Variants in EPG5 observed in about 807,000 individuals in gnomAD.
The protein encoded by EPG5 is ectopic P granules protein 5 homolog.
A neutral mutation model predicts 302.7 loss-of-function variants in EPG5; 159 were observed. The ratio of observed to expected loss-of-function variants is 0.53; its 90% CI spans 0.46 to 0.60. The LOEUF is 0.60. EPG5 is among the 20% of genes least tolerant of loss of function. The pLI, the probability that EPG5 is intolerant of heterozygous loss-of-function variation, is 0.00. For missense variants in EPG5, 2,896 were observed against 3,092.4 expected (o/e 0.94, Z 1.51); for synonymous variants, 1,158 against 1,136.8 (o/e 1.02, Z -0.37).
intron 28 of EPG5, among the ~76,000 whole-genome samples, chr18:45,888,775 TA>T (rs1162176221): frequency 6.6e-6 from 1 of 152,228 alleles, no homozygotes; most frequent in Non-Finnish European, 1.5e-5. Context: ...CATAGTCTCC[TA>T]GGGGAAAAAA....
chr18:45,833,743 T>C, the EPG5 span, among the ~76,000 whole-genome samples: 2 of 152,198 alleles, frequency 1.3e-5, no homozygotes, highest in African/African-American at 4.8e-5. Flanking sequence ...TGTTAGTTCA[T>C]AAACTAAAAT....
chr18:45,919,162 T>C (rs1464546948), intron 16 of EPG5, among the ~76,000 whole-genome samples: 1 of 152,204 alleles, frequency 6.6e-6, no homozygotes, highest in African/African-American at 2.4e-5. Context: ...ATGTCTGTAA[T>C]ATTATATTCA....
the EPG5 span, among the ~76,000 whole-genome samples, chr18:45,826,502 C>T: frequency 1.3e-5 from 2 of 152,174 alleles, no homozygotes; most frequent in African/African-American, 4.8e-5. Context: ...TCTGCATTTT[C>T]ACCACCTTCT....
At chr18:45,838,262 C>A in the EPG5 span, among the ~76,000 whole-genome samples, 2 of 152,170 alleles carry the variant, frequency 1.3e-5, no homozygotes, top group African/African-American at 2.4e-5. Context: ...GAAAGACACT[C>A]GCAGCCCCTC....
chr18:45,861,109 A>G (rs1014905819), intron 39 of EPG5, among the ~76,000 whole-genome samples: 2 of 152,220 alleles, frequency 1.3e-5, no homozygotes, highest in African/African-American at 4.8e-5. Flanking sequence ...ATTTATGTCA[A>G]TAGGAAGGGT....
At position 45,858,710 on chromosome 18, in the gene EPG5, T is replaced by A; in HGVS notation, c.7082A>T (p.Glu2361Val). 1 of 1,614,172 alleles carries A rather than the reference T, an allele frequency of 6.2e-7. No individual in the cohort carries two copies. The highest frequency in any genetic ancestry group is 8.5e-7 in the Non-Finnish European group (1 of 1,180,028). ...SLQVPELTME[E>V]FLQECLTLGS... ...CAAGGTGAGGCACTCCTGCAGGAAC[T>A]CTTCCATGGTGAGCTCGGGAACCTG... Residue 2361 changes from glutamate to valine, a missense_variant, in exon 41 of 44, where the codon GAG becomes GTG. By Grantham distance (121) the Glu-to-Val change is moderately radical. This residue lies in a region of EPG5 where 620 missense variants were observed against 704.2 expected (regional missense o/e 0.88). Coordinates refer to ENST00000282041, the MANE Select transcript of EPG5 (RefSeq NM_020964.3).
At chr18:45,839,550 T>C in the EPG5 span, among the ~76,000 whole-genome samples, 1 of 152,250 alleles carries the variant, frequency 6.6e-6, no homozygotes. Context: ...AGACAGATCA[T>C]TGCAATGTGC....
the EPG5 span, among the ~76,000 whole-genome samples, chr18:45,818,803 G>T: frequency 7.4e-6 from 1 of 135,418 alleles, no homozygotes; most frequent in Non-Finnish European, 1.5e-5. Flanking sequence ...GCGTGATCTC[G>T]GCTCTCTGCA....
chr18:45,825,646 C>A, the EPG5 span: 7 of 1,520,524 alleles, frequency 4.6e-6, no homozygotes, highest in Non-Finnish European at 6.3e-6. Context: ...GCCCGCCTTC[C>A]TTCCCCCACC....
rs147713690 is a variant in EPG5 at position 45,951,436 on chromosome 18, T to C, written c.1253-198A>G. On this transcript the variant is annotated intron_variant, in intron 3 of 43. Transcript: ENST00000282041. ...TGTTTAACTTTGAAGTATTTCAAAA[T>C]AATGGAAAAATCAACCTCATCATAA... is the stretch of plus-strand genomic sequence containing the variant. Among the ~76,000 whole-genome samples the C allele has an allele frequency of 5.3e-3, 794 of 150,764 alleles. 6 individuals carry two copies. The highest frequency in any genetic ancestry group is 0.018 in the African/African-American group (739 of 40,838).
At chr18:45,897,773 T>C (rs1568132190) in intron 27 of EPG5, among the ~76,000 whole-genome samples, 1 of 152,046 alleles carries the variant, frequency 6.6e-6, no homozygotes, top group Non-Finnish European at 1.5e-5. Context: ...AAAAATACAA[T>C]ACATATAAAA....
the EPG5 span, among the ~76,000 whole-genome samples, chr18:45,831,816 C>A: frequency 4.6e-5 from 7 of 151,544 alleles, no homozygotes; most frequent in African/African-American, 1.7e-4. Context: ...CGGCTCACTG[C>A]AGCCTCCGCC....
intron 10 of EPG5, among the ~76,000 whole-genome samples, chr18:45,935,602 G>A (rs73953916): frequency 5.1e-5 from 5 of 97,214 alleles, no homozygotes; most frequent in East Asian, 7.9e-4. Flanking sequence ...CTACTAAGGC[G>A]CACACAGGTA....
At chr18:45,953,544 G>A (rs577318185) in intron 2 of EPG5, 2 of 985,318 alleles carry the variant, frequency 2.0e-6, no homozygotes, top group East Asian at 1.1e-4. Flanking sequence ...TGCCAAACTT[G>A]TCAAGAGTAA....
intron 9 of EPG5, among the ~76,000 whole-genome samples, chr18:45,942,045 G>A (rs186908854): frequency 6.6e-5 from 10 of 152,306 alleles, no homozygotes; most frequent in African/African-American, 2.2e-4. Context: ...CCAACATGGT[G>A]AAACCCCATC....
rs2049604670 is a variant in EPG5, at chr18:45,901,105, GC to G, written c.4536del (p.His1513ThrfsTer16). On this transcript the variant is annotated frameshift_variant, in exon 26 of 44. Transcript: ENST00000282041. LOFTEE classifies it high-confidence loss of function. ...KHEAPQPPLA[L>X]HPTKPPVPVI... ...ACTGGCACAGGAGGCTTCGTCGGGT[GC>G]AGAGCAAGGGGAGGCTGGGGAGCCT... The G allele has an allele frequency of 6.2e-7, 1 of 1,614,064 alleles. No homozygotes were observed. Among genetic ancestry groups the G allele is most frequent in the South Asian group, 1.1e-5 (1 of 91,092 alleles).
intron 30 of EPG5, 128 bp downstream of exon 30, chr18:45,884,489 G>A: frequency 1.3e-6 from 1 of 756,472 alleles, no homozygotes; most frequent in Non-Finnish European, 2.0e-6. Flanking sequence ...TGCAAACTGT[G>A]AAAAAGGCCT....
chr18:45,963,768 C>T (rs993326235), intron 1 of EPG5, among the ~76,000 whole-genome samples: 4 of 152,176 alleles, frequency 2.6e-5, no homozygotes, highest in Non-Finnish European at 5.9e-5. Flanking sequence ...GATGGGAAAC[C>T]TTTGAAAGGT....
chr18:45,954,784 A>T lies in EPG5; in HGVS notation c.618T>A (p.Gly206=). 7 of 1,613,886 alleles carry T rather than the reference A, an allele frequency of 4.3e-6. No homozygotes were observed. The highest frequency in any genetic ancestry group is 5.9e-6 in the Non-Finnish European group (7 of 1,179,942). Residue 206 remains glycine (G), a synonymous_variant, in exon 2 of 44, where the codon GGT becomes GGA. Coordinates refer to ENST00000282041, the MANE Select transcript of EPG5 (RefSeq NM_020964.3). ...GTTTCTTCACTCTAGGTGTCTGAAA[A>T]CCATGTTTGGCTGGGCAAGAACTCT... ...GLQSSCPAKH[G]FQTPRVKKLY...
Sources: allele counts gnomAD v4.1 joint callset (sites outside exome capture counted in the v4.1 genomes callset), GRCh38; gene constraint gnomAD v4.1.1; regional missense constraint gnomAD v4.1.1; transcripts MANE v1.5; gene names NCBI Gene and HGNC (gene_info 2026-07-23, HGNC 2026-07-21).